Variants in CIMAP1D observed in about 807,000 individuals in gnomAD.
CIMAP1D encodes the protein protein CIMAP1D.
the CIMAP1D span, chr19:467,568 G>A: frequency 1.9e-5 from 17 of 890,646 alleles, no homozygotes; most frequent in Admixed American, 1.7e-4. Flanking sequence ...AAGGATAAGA[G>A]GGGGAGGGAG....
At chr19:488,978 C>A in the CIMAP1D span, among the ~76,000 whole-genome samples, 1 of 152,062 alleles carries the variant, frequency 6.6e-6, no homozygotes, top group African/African-American at 2.4e-5. Context: ...CCCAAGCCCG[C>A]ATCAGCCCGC....
chr19:483,764 A>G, the CIMAP1D span, among the ~76,000 whole-genome samples: 3 of 152,176 alleles, frequency 2.0e-5, no homozygotes, highest in East Asian at 5.8e-4. Context: ...TCTGGGATCA[A>G]TCAATCCCCA....
chr19:484,782 C>A, the CIMAP1D span, among the ~76,000 whole-genome samples: 5 of 152,130 alleles, frequency 3.3e-5, no homozygotes, highest in Non-Finnish European at 7.4e-5. Flanking sequence ...GGGGCTGACC[C>A]AGCAGGTCGT....
At chr19:479,424 G>GGGGGC in the CIMAP1D span, among the ~76,000 whole-genome samples, 2 of 97,138 alleles carry the variant, frequency 2.1e-5, no homozygotes, top group African/African-American at 8.4e-5. Context: ...GGGGGGGGGG[G>GGGGGC]ATGGAGTTTC....
chr19:485,286 G>A, the CIMAP1D span, among the ~76,000 whole-genome samples: 13 of 152,224 alleles, frequency 8.5e-5, no homozygotes, highest in East Asian at 3.8e-4. Context: ...ACACACACGC[G>A]TGCTCACATA....
At chr19:481,209 TGAG>T in the CIMAP1D span, among the ~76,000 whole-genome samples, 1 of 119,476 alleles carries the variant, frequency 8.4e-6, no homozygotes, top group Non-Finnish European at 1.6e-5. Context: ...GGAAGGATGA[TGAG>T]AAGGATGATG....
the CIMAP1D span, among the ~76,000 whole-genome samples, chr19:484,094 C>T: frequency 6.6e-6 from 1 of 151,862 alleles, no homozygotes; most frequent in South Asian, 2.1e-4. Flanking sequence ...GCTGTGAACA[C>T]ATGTCTCTCT....
chr19:467,790 A>C, the CIMAP1D span: 1 of 1,439,484 alleles, frequency 6.9e-7, no homozygotes, highest in South Asian at 1.3e-5. Flanking sequence ...GAGTGCTGAG[A>C]GTGATTCTGA....
the CIMAP1D span, among the ~76,000 whole-genome samples, chr19:479,995 CA>C: frequency 5.9e-5 from 9 of 152,346 alleles, no homozygotes; most frequent in East Asian, 1.7e-3. Flanking sequence ...CGGTCTCAGG[CA>C]GTAACTGTGG....
chr19:483,748 G>A, the CIMAP1D span, among the ~76,000 whole-genome samples: 4 of 152,218 alleles, frequency 2.6e-5, no homozygotes, highest in African/African-American at 4.8e-5. Flanking sequence ...ATGGGTCCCC[G>A]GAAGCTCTGG....
At chr19:474,810 A>G in the CIMAP1D span, 2 of 1,338,608 alleles carry the variant, frequency 1.5e-6, no homozygotes, top group Non-Finnish European at 1.9e-6. Context: ...GAGCCGCAGC[A>G]GCTCTGGCGG....
the CIMAP1D span, chr19:474,703 G>C: frequency 1.3e-6 from 2 of 1,564,446 alleles, no homozygotes; most frequent in Non-Finnish European, 1.7e-6. Flanking sequence ...GGCCAAGGGG[G>C]GCTGTGGCCA....
the CIMAP1D span, among the ~76,000 whole-genome samples, chr19:481,298 G>GA: frequency 9.2e-3 from 1,092 of 118,794 alleles, no homozygotes; most frequent in Non-Finnish European, 0.01. Context: ...AAGGATGATG[G>GA]GAAGGATGAT....
chr19:471,286 C>T, the CIMAP1D span, among the ~76,000 whole-genome samples: 2 of 152,010 alleles, frequency 1.3e-5, no homozygotes, highest in African/African-American at 4.8e-5. Flanking sequence ...ATAGCTGGGA[C>T]TACAGGCGCC....
the CIMAP1D span, among the ~76,000 whole-genome samples, chr19:486,590 G>A: frequency 0.021 from 3,233 of 151,524 alleles, 102 homozygotes; most frequent in African/African-American, 0.073. Flanking sequence ...ACAGGCGCCC[G>A]TCACCACACC....
the CIMAP1D span, among the ~76,000 whole-genome samples, chr19:470,458 G>A: frequency 0.027 from 4,114 of 151,916 alleles, 147 homozygotes; most frequent in African/African-American, 0.086. Flanking sequence ...TGGTCCACCC[G>A]CCTCGGCCTC....
chr19:485,806 G>C, the CIMAP1D span, among the ~76,000 whole-genome samples: 4 of 152,208 alleles, frequency 2.6e-5, no homozygotes, highest in African/African-American at 9.6e-5. Context: ...CAGCAGGAGA[G>C]GGGGAGGCCA....
At chr19:467,347 G>C in the CIMAP1D span, among the ~76,000 whole-genome samples, 47 of 151,898 alleles carry the variant, frequency 3.1e-4, no homozygotes, top group Non-Finnish European at 6.5e-4. Context: ...GCCTGTGAAG[G>C]ATACTGCCGA....
the CIMAP1D span, chr19:463,713 C>G: frequency 7.5e-7 from 1 of 1,330,996 alleles, no homozygotes; most frequent in Non-Finnish European, 1.0e-6. Flanking sequence ...CTAGAAGGAC[C>G]TGGACAGTTC....
Sources: allele counts gnomAD v4.1 joint callset (sites outside exome capture counted in the v4.1 genomes callset), GRCh38; gene constraint gnomAD v4.1.1; transcripts MANE v1.5; gene names NCBI Gene and HGNC (gene_info 2026-07-23, HGNC 2026-07-21).